The following SPAG16 variants were observed in gnomAD, a reference collection of about 807,000 sequenced individuals.
SPAG16 encodes sperm-associated antigen 16 protein.
A neutral mutation model predicts 80.4 loss-of-function variants in SPAG16; 86 were observed. That is an observed-to-expected ratio of 1.07 (90% confidence interval 0.90 to 1.28). SPAG16 has a LOEUF of 1.28. SPAG16 is among the 50% of genes most tolerant of loss of function. The pLI, the probability that SPAG16 is intolerant of heterozygous loss-of-function variation, is 0.00. For synonymous variants in SPAG16, 294 were observed against 265.9 expected, an observed-to-expected ratio of 1.11 and a Z score of -1.03; for missense variants, 870 against 765.3, an observed-to-expected ratio of 1.14 and a Z score of -1.61.
chr2:213,701,629 G>C (rs1255389802), intron 10 of SPAG16, among the ~76,000 whole-genome samples: 1 of 152,196 alleles, frequency 6.6e-6, no homozygotes, highest in Non-Finnish European at 1.5e-5. Flanking sequence ...GCGCGGGACT[G>C]GTAGGCAGCT....
chr2:213,460,100 T>A (rs2072274668), intron 9 of SPAG16, among the ~76,000 whole-genome samples: 1 of 152,240 alleles, frequency 6.6e-6, no homozygotes. Flanking sequence ...CATGGTCTTC[T>A]GCCACTCACC....
chr2:213,347,068 C>T (rs1019009556), intron 6 of SPAG16, among the ~76,000 whole-genome samples: 3 of 151,954 alleles, frequency 2.0e-5, no homozygotes, highest in African/African-American at 4.8e-5. Flanking sequence ...TCAGAGCCTG[C>T]AATTGGTCTA....
At chr2:214,288,731 A>C (rs948530569) in intron 15 of SPAG16, among the ~76,000 whole-genome samples, 2 of 141,120 alleles carry the variant, frequency 1.4e-5, no homozygotes, top group African/African-American at 5.2e-5. Context: ...TTTTTGAGAA[A>C]TGTCTATTGT....
intron 10 of SPAG16, among the ~76,000 whole-genome samples, chr2:213,519,986 C>T (rs2075595135): frequency 6.6e-6 from 1 of 151,834 alleles, no homozygotes; most frequent in Non-Finnish European, 1.5e-5. Flanking sequence ...AAAGAAGAGA[C>T]ACAAACATAC....
chr2:213,391,741 C>A (rs1344033671), intron 9 of SPAG16, among the ~76,000 whole-genome samples: 1 of 152,168 alleles, frequency 6.6e-6, no homozygotes, highest in Non-Finnish European at 1.5e-5. Flanking sequence ...ATAAGTTACA[C>A]TGAATATGTC....
intron 10 of SPAG16, among the ~76,000 whole-genome samples, chr2:213,763,989 G>A (rs1022769076): frequency 2.0e-5 from 3 of 152,210 alleles, no homozygotes; most frequent in Non-Finnish European, 4.4e-5. Context: ...CAAATGTGAA[G>A]GGTGGGTGTG....
chr2:213,327,351 A>C (rs2063888207), intron 5 of SPAG16, among the ~76,000 whole-genome samples: 1 of 152,068 alleles, frequency 6.6e-6, no homozygotes, highest in Non-Finnish European at 1.5e-5. Flanking sequence ...AATGAATTTA[A>C]ATTGTTCTAC....
chr2:214,149,795 T>C (rs2055888111), intron 15 of SPAG16, among the ~76,000 whole-genome samples: 1 of 152,124 alleles, frequency 6.6e-6, no homozygotes, highest in Non-Finnish European at 1.5e-5. Flanking sequence ...ATTTAGTTTT[T>C]ATTCCACAAT....
chr2:214,185,842 C>T (rs185954581), intron 15 of SPAG16, among the ~76,000 whole-genome samples: 1 of 152,264 alleles, frequency 6.6e-6, no homozygotes, highest in East Asian at 1.9e-4. Context: ...ACACACCCAA[C>T]AAGATATGCC....
intron 10 of SPAG16, among the ~76,000 whole-genome samples, chr2:213,857,265 G>A (rs1277110167): frequency 6.6e-6 from 1 of 152,140 alleles, no homozygotes; most frequent in Non-Finnish European, 1.5e-5. Flanking sequence ...CCCTTTATTG[G>A]AAGAACATAT....
chr2:213,781,446 C>G (rs115664004), intron 10 of SPAG16, among the ~76,000 whole-genome samples: 1,773 of 152,218 alleles, frequency 0.012, 30 homozygotes, highest in African/African-American at 0.04. Context: ...TTCCTGCCTT[C>G]TTAATGCTTT....
At chr2:213,990,860 C>T (rs1231649093) in intron 12 of SPAG16, among the ~76,000 whole-genome samples, 1 of 152,084 alleles carries the variant, frequency 6.6e-6, no homozygotes, top group Non-Finnish European at 1.5e-5. Flanking sequence ...ATTTGTAAAA[C>T]AGCTGTGGAA....
intron 13 of SPAG16, among the ~76,000 whole-genome samples, chr2:214,034,067 G>A (rs1297212997): frequency 6.6e-6 from 1 of 152,120 alleles, no homozygotes; most frequent in African/African-American, 2.4e-5. Flanking sequence ...TTTTGGAAAA[G>A]TACAGGCCAG....
At chr2:213,983,279 A>G (rs994054376) in intron 12 of SPAG16, among the ~76,000 whole-genome samples, 2 of 151,934 alleles carry the variant, frequency 1.3e-5, no homozygotes, top group African/African-American at 4.8e-5. Flanking sequence ...TTTACCTTAA[A>G]ATAAGAGAAC....
chr2:214,125,111 C>G (rs1396051311), intron 14 of SPAG16, among the ~76,000 whole-genome samples: 1 of 150,920 alleles, frequency 6.6e-6, no homozygotes, highest in Non-Finnish European at 1.5e-5. Context: ...GTGAAAGAAC[C>G]TTTTGTTTCT....
At chr2:214,053,876 T>G (rs1225732492) in intron 13 of SPAG16, among the ~76,000 whole-genome samples, 4 of 152,242 alleles carry the variant, frequency 2.6e-5, no homozygotes, top group Admixed American at 2.6e-4. Flanking sequence ...TTGCAAACTC[T>G]GGATTCTACC....
chr2:213,549,052 A>G (rs1480809204), intron 10 of SPAG16, among the ~76,000 whole-genome samples: 1 of 151,928 alleles, frequency 6.6e-6, no homozygotes, highest in African/African-American at 2.4e-5. Context: ...TGTCACCTTC[A>G]TGATATGCCA....
chr2:213,960,360 A>T (rs1171458690), intron 12 of SPAG16, among the ~76,000 whole-genome samples: 1 of 151,838 alleles, frequency 6.6e-6, no homozygotes, highest in East Asian at 1.9e-4. Context: ...TAGATCTGAC[A>T]GCAAGTCTTT....
chr2:213,853,895 G>T (rs2075030246), intron 10 of SPAG16, among the ~76,000 whole-genome samples: 1 of 152,136 alleles, frequency 6.6e-6, no homozygotes, highest in African/African-American at 2.4e-5. Context: ...GCTTGAGGAG[G>T]GGTATCCTGC....
Sources: allele counts gnomAD v4.1 joint callset (sites outside exome capture counted in the v4.1 genomes callset), GRCh38; gene constraint gnomAD v4.1.1; transcripts MANE v1.5; gene names NCBI Gene and HGNC (gene_info 2026-07-23, HGNC 2026-07-21).